MFSD8: variants seen among roughly 807,000 people sequenced by gnomAD.
MFSD8 encodes major facilitator superfamily domain containing 8, also known as major facilitator superfamily domain-containing protein 8.
MFSD8 carries 55 observed loss-of-function variants against 66.4 expected under a neutral mutation model. That is an observed-to-expected ratio of 0.83 (90% CI 0.67 to 1.04). The LOEUF (loss-of-function observed/expected upper bound fraction) is 1.04. Among genes scored for constraint, MFSD8 ranks in the 50% least tolerant of loss-of-function variants. The pLI is 0.00. For synonymous variants in MFSD8, 202 were observed against 212.8 expected (o/e 0.95, Z 0.44); for missense variants, 550 against 627.6 (o/e 0.88, Z 1.32).
chr4:127,949,656 T>C lies in MFSD8; in HGVS notation c.198+148A>G. ...CAATAAAGCATATGGTCACATTACT[T>C]ATAAGCCTCTTTTAAGGAACTATTA... On this transcript the variant is annotated intron_variant, in intron 3 of 11. Transcript: ENST00000641686. The C allele has an allele frequency of 4.4e-6, 3 of 674,996 alleles. No homozygotes were observed. In the South Asian group the frequency reaches 6.6e-5, roughly 15 times the overall value. 41.8% of individuals were successfully genotyped at this position (674,996 alleles called of 1,614,324 possible). A position where few individuals can be genotyped will look rare whatever the true frequency, so the allele number is the denominator to read the frequency against.
At position 127,920,484 on chromosome 4, in the gene MFSD8, C is replaced by CTGTTATTCAACATATGTTCT. The variant is rs1182593055; in HGVS notation, c.*126_*145dup. 1.5e-4 allele frequency: 118 copies of CTGTTATTCAACATATGTTCT among 773,814 alleles called. No homozygotes were observed. Among genetic ancestry groups the CTGTTATTCAACATATGTTCT allele is most frequent in the Non-Finnish European group, 2.9e-5 (13 of 443,238 alleles). The allele number at this position is 773,814 out of a possible 1,614,324, so 47.9% of individuals were successfully genotyped here. A position where few individuals can be genotyped will look rare whatever the true frequency, so the allele number is the denominator to read the frequency against. ...TTCACAATGACATGTAGAATTCTCTCTGTTATTCAACATATGTTCTTGTTC... is the reference window on the plus strand; with the variant it reads ...TTCACAATGACATGTAGAATTCTCTCTGTTATTCAACATATGTTCTTGTTATTCAACATATGTTCTTGTTC... On this transcript the variant is annotated 3_prime_UTR_variant, in exon 12 of 12. Coordinates refer to ENST00000641686, the MANE Select transcript of MFSD8 (RefSeq NM_001371596.2).
chr4:127,952,869 CA>C (rs758640018), intron 2 of MFSD8, among the ~76,000 whole-genome samples: 4,876 of 65,328 alleles, frequency 0.075, 101 homozygotes, highest in African/African-American at 0.18. Context: ...GACTCCACCT[CA>C]AAAAAAAAAA....
At chr4:127,948,540 C>T (rs139343611) in intron 3 of MFSD8, among the ~76,000 whole-genome samples, 6 of 152,300 alleles carry the variant, frequency 3.9e-5, no homozygotes, top group African/African-American at 1.4e-4. Context: ...TCCTGCTCTA[C>T]AACTTGCCTC....
At chr4:127,965,505 G>C (rs921265931), upstream of MFSD8, 2 of 365,696 alleles carry the variant, frequency 5.5e-6, no homozygotes, top group African/African-American at 4.2e-5. Context: ...CCGGAGCTGC[G>C]ATTGGGGCTG....
intron 9 of MFSD8, among the ~76,000 whole-genome samples, chr4:127,922,499 C>G (rs1311255336): frequency 6.6e-6 from 1 of 151,952 alleles, no homozygotes; most frequent in Non-Finnish European, 1.5e-5. Flanking sequence ...GTATTTGGTG[C>G]CTGTAGTTCT....
rs1736164573 is a variant in MFSD8, at chr4:127,920,188, T to C, written c.*442A>G. 2 of 158,352 alleles carry C rather than the reference T, an allele frequency of 1.3e-5. No individual in the cohort carries two copies. Among genetic ancestry groups the C allele is most frequent in the African/African-American group, 4.8e-5 (2 of 41,460 alleles). The allele number at this position is 158,352 out of a possible 1,614,324, so 9.8% of individuals were successfully genotyped here. A position where few individuals can be genotyped will look rare whatever the true frequency, so the allele number is the denominator to read the frequency against. On this transcript the variant is annotated 3_prime_UTR_variant, in exon 12 of 12. Coordinates refer to ENST00000641686, the MANE Select transcript of MFSD8 (RefSeq NM_001371596.2). ...TTTTTATAAATAAAAAGTAGGTGTC[T>C]GAATAAAAATACCTCTACTTGGGTA...
intron 5 of MFSD8, among the ~76,000 whole-genome samples, chr4:127,940,391 C>T (rs1739965443): frequency 6.6e-6 from 1 of 151,742 alleles, no homozygotes; most frequent in Non-Finnish European, 1.5e-5. Context: ...TACAAAACAT[C>T]TCCATAGGCA....
At chr4:127,952,018 G>A (rs1031983931) in intron 2 of MFSD8, among the ~76,000 whole-genome samples, 4 of 151,924 alleles carry the variant, frequency 2.6e-5, no homozygotes, top group African/African-American at 4.8e-5. Flanking sequence ...GTGAGCAACC[G>A]CGCCTGGCCT....
intron 9 of MFSD8, among the ~76,000 whole-genome samples, chr4:127,927,646 G>A (rs961024441): frequency 3.3e-5 from 5 of 152,134 alleles, no homozygotes; most frequent in South Asian, 4.1e-4. Context: ...TTTTACACAA[G>A]CATTTCCCTA....
intron 7 of MFSD8, among the ~76,000 whole-genome samples, chr4:127,936,345 C>A (rs965400763): frequency 6.6e-6 from 1 of 152,092 alleles, no homozygotes; most frequent in African/African-American, 2.4e-5. Context: ...GAACTCCTGA[C>A]CTCAGGTGAT....
intron 8 of MFSD8, 60 bp downstream of exon 8, chr4:127,932,925 G>C (rs1283590345): frequency 3.1e-5 from 45 of 1,443,478 alleles, no homozygotes; most frequent in Non-Finnish European, 4.1e-5. Flanking sequence ...AATTAACATT[G>C]CATTAAGAAA....
rs754467879 is a variant in MFSD8 at position 127,920,815 on chromosome 4, T to C, written c.1372A>G (p.Thr458Ala). ...ATCCGGGCTCCACTTCCAGATGCTG[T>C]TAACCAGCCCATGTATACACCCTGT... ...KPQGVYMGWL[T>A]ASGSGARILG... Residue 458 changes from threonine to alanine, a missense_variant, in exon 12 of 12, where the codon ACA becomes GCA. By Grantham distance (58) the Thr-to-Ala change is moderately conservative. Transcript: ENST00000641686. The C allele has an allele frequency of 3.1e-6, 5 of 1,613,976 alleles. No individual in the cohort carries two copies. The highest frequency in any genetic ancestry group is 3.4e-6 in the Non-Finnish European group (4 of 1,180,004).
At chr4:127,951,930 A>T (rs2148951467) in intron 2 of MFSD8, among the ~76,000 whole-genome samples, 1 of 151,524 alleles carries the variant, frequency 6.6e-6, no homozygotes, top group Admixed American at 6.6e-5. Flanking sequence ...GGGTTTCACC[A>T]TGTTGGCCAG....
intron 11 of MFSD8, 122 bp from the exon 12 acceptor site, chr4:127,920,958 T>A: frequency 1.1e-6 from 1 of 901,050 alleles, no homozygotes; most frequent in Non-Finnish European, 1.7e-6. Flanking sequence ...CTTTTACTTT[T>A]AAATTAAACA....
At chr4:127,959,146 G>A (rs1172286721) in intron 1 of MFSD8, among the ~76,000 whole-genome samples, 1 of 152,204 alleles carries the variant, frequency 6.6e-6, no homozygotes, top group East Asian at 1.9e-4. Flanking sequence ...GTAGTGGGGT[G>A]TTCTCAACAT....
rs140349255 is a variant in MFSD8, at chr4:127,957,539, A to T, written c.116T>A (p.Ile39Asn). The T allele has an allele frequency of 4.2e-5, 68 of 1,611,964 alleles. No homozygotes were observed. Among genetic ancestry groups the T allele is most frequent in the Non-Finnish European group, 5.8e-5 (68 of 1,178,360 alleles). ...EEHYKSRWRSIRILYLTMFLS... is the reference protein window; with the variant it reads ...EEHYKSRWRSNRILYLTMFLS... ...AAACATAGTAAGATATAAAATCCTAATAGATCTCCATCGGCTCTTATAATG... is the reference window on the plus strand; with the variant it reads ...AAACATAGTAAGATATAAAATCCTATTAGATCTCCATCGGCTCTTATAATG... The change falls in exon 2 of 12, where the codon ATT (isoleucine) becomes AAT (asparagine). Residue 39 changes from isoleucine to asparagine, a missense_variant. By Grantham distance (149) the Ile-to-Asn change is moderately radical. Transcript: ENST00000641686.
chr4:127,954,105 T>C (rs1373814992), intron 2 of MFSD8, among the ~76,000 whole-genome samples: 1 of 152,220 alleles, frequency 6.6e-6, no homozygotes, highest in Non-Finnish European at 1.5e-5. Flanking sequence ...ATCACAATAT[T>C]GATCATTCCT....
At position 127,930,700 on chromosome 4, in the gene MFSD8, A is replaced by G; in HGVS notation, c.981T>C (p.Val327=). The G allele has an allele frequency of 6.2e-7, 1 of 1,613,602 alleles. No homozygotes were observed. Among genetic ancestry groups the G allele is most frequent in the Non-Finnish European group, 8.5e-7 (1 of 1,179,782 alleles). ...GVEAVVIFLG[V]KLLSKKIGER... The stretch of plus-strand genomic sequence containing the variant: ...TAACTTACTTTTTGGAAAGCAACTT[A>G]ACTCCTAAGAAAATAACAACGGCTT... Residue 327 remains valine, a synonymous_variant, in exon 9 of 12, where the codon GTT becomes GTC. Coordinates refer to ENST00000641686, the MANE Select transcript of MFSD8 (RefSeq NM_001371596.2).
chr4:127,942,005 C>A, intron 5 of MFSD8, 40 bp downstream of exon 5: 1 of 1,497,890 alleles, frequency 6.7e-7, no homozygotes. Context: ...AAAAGTTTTC[C>A]CAATTCAAAT....
Sources: allele counts gnomAD v4.1 joint callset (sites outside exome capture counted in the v4.1 genomes callset), GRCh38; gene constraint gnomAD v4.1.1; transcripts MANE v1.5; gene names NCBI Gene and HGNC (gene_info 2026-07-23, HGNC 2026-07-21).